NDUFA5: variants seen among roughly 807,000 people sequenced by gnomAD.
NDUFA5 encodes the protein NADH dehydrogenase [ubiquinone] 1 alpha subcomplex subunit 5.
In NDUFA5, 11 loss-of-function variants were observed where a neutral mutation model predicts 19.8. The ratio of observed to expected loss-of-function variants is 0.56; its 90% CI spans 0.35 to 0.92. NDUFA5 has a LOEUF of 0.92. Among genes scored for constraint, NDUFA5 ranks in the 40% least tolerant of loss-of-function variants. The pLI is 0.01. For synonymous variants in NDUFA5, 47 were observed against 46.8 expected (o/e 1.00, Z -0.01); for missense variants, 109 against 134.2 (o/e 0.81, Z 0.93).
the NDUFA5 span, among the ~76,000 whole-genome samples, chr7:123,586,111 A>T: frequency 2.0e-5 from 3 of 151,824 alleles, no homozygotes; most frequent in Non-Finnish European, 4.4e-5. Context: ...AGGTTGCTAG[A>T]TCATATAATA....
At chr7:123,577,013 A>G in the NDUFA5 span, among the ~76,000 whole-genome samples, 10 of 152,166 alleles carry the variant, frequency 6.6e-5, no homozygotes, top group African/African-American at 2.2e-4. Flanking sequence ...ACTTCCTGTT[A>G]TCTATTTTAA....
chr7:123,558,496 AG>A (rs1487239758), upstream of NDUFA5, among the ~76,000 whole-genome samples: 1 of 152,370 alleles, frequency 6.6e-6, no homozygotes, highest in East Asian at 1.9e-4. Context: ...ATAATGAAGA[AG>A]GCGTGTATTA....
rs1180654392 is a variant in NDUFA5 at position 123,540,884 on chromosome 7, G to A, written c.*1235C>T. ...TCTCATTCTGAGCAAATGTGCGCAT[G>A]CGCGTGCACACACACACACACACAC... On this transcript the variant is annotated 3_prime_UTR_variant, in exon 5 of 5. Coordinates refer to ENST00000355749, the MANE Select transcript of NDUFA5 (RefSeq NM_005000.5). 1.9e-5 allele frequency: 2 copies of A among 105,644 alleles called. No homozygotes were observed. The highest frequency in any genetic ancestry group is 5.5e-4 in the East Asian group (2 of 3,648). The allele number at this position is 105,644 out of a possible 1,614,324, so 6.5% of individuals were successfully genotyped here.
chr7:123,581,297 C>T, the NDUFA5 span, among the ~76,000 whole-genome samples: 2 of 151,044 alleles, frequency 1.3e-5, no homozygotes, highest in African/African-American at 2.4e-5. Flanking sequence ...GAATTCAAAA[C>T]GAGTCTATCA....
the NDUFA5 span, among the ~76,000 whole-genome samples, chr7:123,570,128 G>A: frequency 6.8e-6 from 1 of 148,034 alleles, no homozygotes; most frequent in African/African-American, 2.5e-5. Flanking sequence ...TCTGCCTCCC[G>A]GGTTCACACC....
the NDUFA5 span, among the ~76,000 whole-genome samples, chr7:123,579,014 G>GA: frequency 6.6e-6 from 1 of 152,024 alleles, no homozygotes; most frequent in Non-Finnish European, 1.5e-5. Flanking sequence ...GCCAAATAGT[G>GA]ATTGTAGTAC....
chr7:123,554,941 C>T (rs1584702294), intron 2 of NDUFA5: 1 of 152,348 alleles, frequency 6.6e-6, no homozygotes, highest in African/African-American at 2.4e-5. Flanking sequence ...CTCAGCCTCC[C>T]AAAGTGCTGG....
At chr7:123,559,182 C>T (rs1798652527), upstream of NDUFA5, among the ~76,000 whole-genome samples, 1 of 151,800 alleles carries the variant, frequency 6.6e-6, no homozygotes, top group Non-Finnish European at 1.5e-5. Flanking sequence ...CTATGAACAA[C>T]TATGCTTAAA....
the NDUFA5 span, among the ~76,000 whole-genome samples, chr7:123,578,903 G>GTATTTTATTT: frequency 6.6e-6 from 1 of 151,992 alleles, no homozygotes; most frequent in Non-Finnish European, 1.5e-5. Flanking sequence ...TACATGCAAG[G>GTATTTTATTT]TATTTTATTT....
upstream of NDUFA5, among the ~76,000 whole-genome samples, chr7:123,560,117 T>C (rs6950968): frequency 0.065 from 9,914 of 152,140 alleles, 360 homozygotes; most frequent in Non-Finnish European, 0.079. Context: ...AGAAAAAGCA[T>C]TGGACAAATT....
At chr7:123,584,587 A>C in the NDUFA5 span, among the ~76,000 whole-genome samples, 1 of 151,978 alleles carries the variant, frequency 6.6e-6, no homozygotes, top group African/African-American at 2.4e-5. Flanking sequence ...TCAACCACTC[A>C]ACATGACAGC....
intron 3 of NDUFA5, among the ~76,000 whole-genome samples, chr7:123,549,619 A>T (rs1798259319): frequency 6.6e-6 from 1 of 152,152 alleles, no homozygotes; most frequent in Non-Finnish European, 1.5e-5. Context: ...TCTACAAAAA[A>T]TTTTAAAAAT....
intron 2 of NDUFA5, chr7:123,556,653 T>A (rs1798558374): frequency 2.9e-6 from 1 of 343,236 alleles, no homozygotes; most frequent in Non-Finnish European, 5.6e-6. Flanking sequence ...GTGAGAAACA[T>A]AAGCTGACCA....
intron 2 of NDUFA5, 169 bp downstream of exon 2, chr7:123,557,235 G>A (rs1166849656): frequency 2.1e-5 from 19 of 905,100 alleles, no homozygotes; most frequent in Non-Finnish European, 3.4e-5. Flanking sequence ...ATAAAAATGT[G>A]ACATCGGATC....
the NDUFA5 span, among the ~76,000 whole-genome samples, chr7:123,584,050 T>C: frequency 6.6e-6 from 1 of 151,944 alleles, no homozygotes; most frequent in African/African-American, 2.4e-5. Context: ...TATATGTGCA[T>C]GTACTGCTTT....
intron 1 of NDUFA5, 61 bp downstream of exon 1, chr7:123,557,714 G>A (rs2116217639): frequency 6.2e-7 from 1 of 1,613,968 alleles, no homozygotes; most frequent in African/African-American, 1.3e-5. Context: ...GGGAAGTAGG[G>A]CTATCGGACT....
At chr7:123,581,737 G>C in the NDUFA5 span, among the ~76,000 whole-genome samples, 1 of 151,640 alleles carries the variant, frequency 6.6e-6, no homozygotes, top group Non-Finnish European at 1.5e-5. Flanking sequence ...GCTGTAACAT[G>C]AAAATTTTCT....
At chr7:123,582,491 C>T in the NDUFA5 span, among the ~76,000 whole-genome samples, 41 of 152,090 alleles carry the variant, frequency 2.7e-4, no homozygotes, top group South Asian at 1.2e-3. Flanking sequence ...ATATATCCTA[C>T]ATATTCTAAC....
chr7:123,549,270 A>G (rs1312468108), intron 3 of NDUFA5, among the ~76,000 whole-genome samples: 3 of 152,236 alleles, frequency 2.0e-5, no homozygotes, highest in Non-Finnish European at 2.9e-5. Context: ...AAACAGATCA[A>G]TTAGTTATAA....
Sources: allele counts gnomAD v4.1 joint callset (sites outside exome capture counted in the v4.1 genomes callset), GRCh38; gene constraint gnomAD v4.1.1; transcripts MANE v1.5; gene names NCBI Gene and HGNC (gene_info 2026-07-23, HGNC 2026-07-21).